MRTFA: variants seen among roughly 807,000 people sequenced by gnomAD.
MRTFA encodes myocardin-related transcription factor A.
In MRTFA, 20 loss-of-function variants were observed where a neutral mutation model predicts 83.5. That is an observed-to-expected ratio of 0.24 (90% CI 0.17 to 0.35). The LOEUF (loss-of-function observed/expected upper bound fraction) is 0.35, where lower values mean the gene tolerates loss of function less well. Ranked by LOEUF, MRTFA falls within the 10% of genes least tolerant of loss-of-function variation. The pLI is 1.00. For missense variants in MRTFA, 1,200 were observed against 1,224.7 expected, an observed-to-expected ratio of 0.98 and a Z score of 0.30; for synonymous variants, 659 against 541.2, an observed-to-expected ratio of 1.22 and a Z score of -3.02.
At position 40,461,204 on chromosome 22, in the gene MRTFA, CAAAAAAAAAAA is replaced by C. The variant is rs55733153; in HGVS notation, c.307+2006_307+2016del. Among the ~76,000 whole-genome samples, 41 of 50,298 alleles carry C rather than the reference CAAAAAAAAAAA, an allele frequency of 8.2e-4. 1 individual carries two copies. The highest frequency in any genetic ancestry group is 3.5e-3 in the African/African-American group (37 of 10,618). 33.0% of individuals were successfully genotyped at this position (50,298 alleles called of 152,430 possible). A position where few individuals can be genotyped will look rare whatever the true frequency, so the allele number is the denominator to read the frequency against. ...TGGATGACAGAGCAAGAACTTGTCTCAAAAAAAAAAAAAAAAAAAAAAAAAAAGTTAAAAGA... is the reference window on the plus strand; with the variant it reads ...TGGATGACAGAGCAAGAACTTGTCTCAAAAAAAAAAAAAAAAGTTAAAAGA... On this transcript the variant is annotated intron_variant, in intron 4 of 14. Transcript: ENST00000355630.
At chr22:40,424,994 A>C (rs532056053) in intron 7 of MRTFA, among the ~76,000 whole-genome samples, 1 of 152,292 alleles carries the variant, frequency 6.6e-6, no homozygotes, top group South Asian at 2.1e-4. Flanking sequence ...TGCACAGGTG[A>C]AATGGAGGTG....
intron 3 of MRTFA, among the ~76,000 whole-genome samples, chr22:40,494,579 G>T (rs1330090916): frequency 1.3e-5 from 2 of 151,900 alleles, no homozygotes; most frequent in East Asian, 3.9e-4. Context: ...TACTCAGGAG[G>T]CTAAGGTAGG....
At chr22:40,429,867 G>T in intron 6 of MRTFA, 100 bp from the exon 7 acceptor site, 1 of 1,234,326 alleles carries the variant, frequency 8.1e-7, no homozygotes, top group Non-Finnish European at 1.1e-6. Flanking sequence ...GGCAAGAGGA[G>T]TGACTGTCAG....
At chr22:40,587,883 C>T (rs1413060500) in intron 2 of MRTFA, 3 of 426,934 alleles carry the variant, frequency 7.0e-6, no homozygotes, top group Admixed American at 3.2e-5. Context: ...TTGGTGTGAA[C>T]AAAGTTCACA....
At chr22:40,539,479 C>T (rs532535014) in intron 3 of MRTFA, among the ~76,000 whole-genome samples, 8 of 130,314 alleles carry the variant, frequency 6.1e-5, no homozygotes, top group Admixed American at 7.7e-5. Context: ...AGCTGGACTA[C>T]GGGCGCCCAC....
intron 3 of MRTFA, among the ~76,000 whole-genome samples, chr22:40,464,500 C>A (rs1173353425): frequency 6.7e-6 from 1 of 150,090 alleles, no homozygotes; most frequent in Non-Finnish European, 1.5e-5. Flanking sequence ...CAGAGCAAGA[C>A]CCCGTCTAAA....
intron 3 of MRTFA, among the ~76,000 whole-genome samples, chr22:40,544,656 A>T (rs2055336441): frequency 6.6e-6 from 1 of 152,244 alleles, no homozygotes; most frequent in Non-Finnish European, 1.5e-5. Flanking sequence ...AAGAACTCTT[A>T]TTAAAGAAAA....
At chr22:40,557,177 A>T (rs1391129543) in intron 2 of MRTFA, among the ~76,000 whole-genome samples, 1 of 152,228 alleles carries the variant, frequency 6.6e-6, no homozygotes, top group Non-Finnish European at 1.5e-5. Context: ...ATACATAAAG[A>T]TAATCTAGGG....
At chr22:40,601,993 G>C (rs2056264528) in intron 1 of MRTFA, among the ~76,000 whole-genome samples, 1 of 152,104 alleles carries the variant, frequency 6.6e-6, no homozygotes, top group African/African-American at 2.4e-5. Context: ...CTGGCAATGA[G>C]GAACATCGAT....
intron 2 of MRTFA, among the ~76,000 whole-genome samples, chr22:40,556,655 A>G (rs1449398090): frequency 6.6e-6 from 1 of 152,230 alleles, no homozygotes; most frequent in East Asian, 1.9e-4. Context: ...ACAAATGTCT[A>G]CCAACAAAAT....
At chr22:40,501,832 A>G (rs1382971613) in intron 3 of MRTFA, among the ~76,000 whole-genome samples, 5 of 45,682 alleles carry the variant, frequency 1.1e-4, no homozygotes, top group South Asian at 1.5e-3. Context: ...CCTCCCGGAC[A>G]GGGCGGCTGG....
intron 1 of MRTFA, among the ~76,000 whole-genome samples, chr22:40,603,774 C>CTT (rs57320222): frequency 7.0e-6 from 1 of 142,172 alleles, no homozygotes; most frequent in Non-Finnish European, 1.5e-5. Flanking sequence ...TTTTTTTTTA[C>CTT]TTTTTTTTTT....
intron 2 of MRTFA, among the ~76,000 whole-genome samples, chr22:40,560,654 T>C (rs572658785): frequency 6.6e-6 from 1 of 152,332 alleles, no homozygotes; most frequent in East Asian, 1.9e-4. Flanking sequence ...ACTTTCTTTT[T>C]TTATCAAAGG....
intron 3 of MRTFA, among the ~76,000 whole-genome samples, chr22:40,518,431 A>AC (rs1333194024): frequency 3.3e-5 from 5 of 151,442 alleles, no homozygotes; most frequent in African/African-American, 4.9e-5. Context: ...TGAGGGAAAA[A>AC]AAAAAACAAA....
intron 3 of MRTFA, among the ~76,000 whole-genome samples, chr22:40,489,609 C>G (rs2054236856): frequency 6.6e-6 from 1 of 152,060 alleles, no homozygotes; most frequent in African/African-American, 2.4e-5. Context: ...CCACTGCACC[C>G]AGCCCATAAT....
chr22:40,559,207 T>C (rs556047002), intron 2 of MRTFA, among the ~76,000 whole-genome samples: 1 of 152,232 alleles, frequency 6.6e-6, no homozygotes, highest in South Asian at 2.1e-4. Flanking sequence ...CTGGGCAACA[T>C]GGCAAAACCC....
chr22:40,595,858 A>G (rs967640421), intron 1 of MRTFA, among the ~76,000 whole-genome samples: 7 of 147,756 alleles, frequency 4.7e-5, no homozygotes, highest in Admixed American at 3.6e-4. Context: ...TGGTATATCT[A>G]AAGTCTTTTT....
chr22:40,473,319 C>G (rs1264736065), intron 3 of MRTFA, among the ~76,000 whole-genome samples: 1 of 151,994 alleles, frequency 6.6e-6, no homozygotes, highest in East Asian at 1.9e-4. Context: ...ACCACCACAC[C>G]CAGCTAATTT....
chr22:40,634,010 C>T (rs934087747), intron 1 of MRTFA, among the ~76,000 whole-genome samples: 8 of 152,046 alleles, frequency 5.3e-5, no homozygotes, highest in African/African-American at 1.9e-4. Flanking sequence ...CAAAGCCTAG[C>T]TTTTATGTAG....
Sources: allele counts gnomAD v4.1 joint callset (sites outside exome capture counted in the v4.1 genomes callset), GRCh38; gene constraint gnomAD v4.1.1; transcripts MANE v1.5; gene names NCBI Gene and HGNC (gene_info 2026-07-23, HGNC 2026-07-21).